SCN11A: variants seen among roughly 807,000 people sequenced by gnomAD.
SCN11A encodes the protein sodium channel protein type 11 subunit alpha.
In SCN11A, 122 loss-of-function variants were observed where a neutral mutation model predicts 162.2. That is an observed-to-expected ratio of 0.75 (90% CI 0.65 to 0.87). SCN11A has a LOEUF of 0.87. Among genes scored for constraint, SCN11A ranks in the 40% least tolerant of loss-of-function variants. SCN11A has a pLI of 0.00. For missense variants in SCN11A, 2,015 were observed against 2,181.6 expected (o/e 0.92, Z 1.52); for synonymous variants, 758 against 751.5 (o/e 1.01, Z -0.14).
intron 2 of SCN11A, among the ~76,000 whole-genome samples, chr3:38,977,330 G>T (rs531796172): frequency 1.3e-5 from 2 of 152,230 alleles, no homozygotes; most frequent in South Asian, 4.1e-4. Context: ...TCTGAGACCA[G>T]GGCTGCTCAG....
intron 17 of SCN11A, 24 bp from the exon 18 acceptor site, chr3:38,897,249 A>G: frequency 6.4e-7 from 1 of 1,562,260 alleles, no homozygotes; most frequent in Non-Finnish European, 8.6e-7. Flanking sequence ...CAACAAACAA[A>G]AATGGAAGAA....
chr3:38,981,709 A>C (rs1036719071), intron 2 of SCN11A, among the ~76,000 whole-genome samples: 4 of 152,140 alleles, frequency 2.6e-5, no homozygotes, highest in African/African-American at 9.7e-5. Context: ...TCCAGTTCAA[A>C]AAACATAAGG....
intron 9 of SCN11A, among the ~76,000 whole-genome samples, chr3:38,924,136 T>C (rs2066097878): frequency 1.3e-5 from 2 of 151,842 alleles, no homozygotes; most frequent in South Asian, 4.2e-4. Context: ...GCTTCTCCCA[T>C]CTCCCCTACA....
intron 4 of SCN11A, among the ~76,000 whole-genome samples, chr3:38,953,415 G>T (rs1415595057): frequency 1.3e-5 from 2 of 150,742 alleles, no homozygotes; most frequent in African/African-American, 2.4e-5. Flanking sequence ...TAAAATACAA[G>T]TTAAAAAAAA....
intron 19 of SCN11A, among the ~76,000 whole-genome samples, chr3:38,891,577 A>G (rs1410301877): frequency 6.6e-6 from 1 of 152,230 alleles, no homozygotes; most frequent in Non-Finnish European, 1.5e-5. Context: ...TAATTTATAA[A>G]GAACAGATAT....
chr3:38,931,923 C>G (rs1405656861), intron 7 of SCN11A, among the ~76,000 whole-genome samples: 1 of 152,162 alleles, frequency 6.6e-6, no homozygotes, highest in Non-Finnish European at 1.5e-5. Flanking sequence ...CTGAGTGGGT[C>G]TCTTTGAATT....
At chr3:38,995,601 C>T (rs1053641675) in intron 2 of SCN11A, among the ~76,000 whole-genome samples, 3 of 152,140 alleles carry the variant, frequency 2.0e-5, no homozygotes, top group South Asian at 4.1e-4. Flanking sequence ...TTCCTTCCCA[C>T]CTGCCTGTTT....
chr3:38,996,134 C>G (rs2125596276), intron 2 of SCN11A, among the ~76,000 whole-genome samples: 1 of 152,246 alleles, frequency 6.6e-6, no homozygotes, highest in Non-Finnish European at 1.5e-5. Context: ...CTTGGACTTC[C>G]CAGCCTCCAG....
At chr3:38,972,368 T>C (rs745717009) in intron 2 of SCN11A, among the ~76,000 whole-genome samples, 1 of 152,132 alleles carries the variant, frequency 6.6e-6, no homozygotes, top group Non-Finnish European at 1.5e-5. Flanking sequence ...CCTAGCAGGC[T>C]TGGGTCATTG....
At chr3:38,904,403 G>T (rs1244636120) in intron 15 of SCN11A, among the ~76,000 whole-genome samples, 3 of 152,120 alleles carry the variant, frequency 2.0e-5, no homozygotes, top group Non-Finnish European at 2.9e-5. Flanking sequence ...ACATTGGCTG[G>T]CTGTGAATCC....
intron 2 of SCN11A, among the ~76,000 whole-genome samples, chr3:39,000,169 A>G (rs2030765452): frequency 6.6e-6 from 1 of 152,158 alleles, no homozygotes; most frequent in South Asian, 2.1e-4. Context: ...TGTTAACATC[A>G]TAACCAACTC....
At chr3:38,887,748 T>C (rs1459651056) in intron 19 of SCN11A, among the ~76,000 whole-genome samples, 1 of 152,206 alleles carries the variant, frequency 6.6e-6, no homozygotes, top group Non-Finnish European at 1.5e-5. Context: ...TTGAATTCTT[T>C]TCATAAGCAG....
chr3:38,905,086 T>A, intron 15 of SCN11A, 106 bp downstream of exon 15: 2 of 1,481,224 alleles, frequency 1.4e-6, no homozygotes, highest in South Asian at 2.3e-5. Flanking sequence ...GTGGGTTGGT[T>A]CCAAAACAGC....
At chr3:38,858,996 T>G (rs150520953) in intron 28 of SCN11A, among the ~76,000 whole-genome samples, 15 of 152,052 alleles carry the variant, frequency 9.9e-5, no homozygotes, top group Non-Finnish European at 2.1e-4. Flanking sequence ...ACACAACTTA[T>G]GAAAACCACT....
At chr3:38,988,739 A>G (rs6806522) in intron 2 of SCN11A, among the ~76,000 whole-genome samples, 4,261 of 152,236 alleles carry the variant, frequency 0.028, 202 homozygotes, top group African/African-American at 0.097. Context: ...TATTTTTATT[A>G]CAACTCTGAT....
chr3:39,046,468 C>G (rs1003656776), intron 1 of SCN11A, among the ~76,000 whole-genome samples: 1 of 152,048 alleles, frequency 6.6e-6, no homozygotes, highest in Non-Finnish European at 1.5e-5. Flanking sequence ...TAAATGGAAT[C>G]CCTATCAAAA....
At chr3:39,022,248 T>C (rs1434583020) in intron 2 of SCN11A, among the ~76,000 whole-genome samples, 1 of 152,234 alleles carries the variant, frequency 6.6e-6, no homozygotes, top group Non-Finnish European at 1.5e-5. Flanking sequence ...CAATTGTGCA[T>C]GTGCATGTTT....
rs570223329 is a variant in SCN11A, at chr3:38,911,710, G to A, written c.960-1503C>T. On this transcript the variant is annotated intron_variant, in intron 11 of 29. Coordinates refer to ENST00000302328, the MANE Select transcript of SCN11A (RefSeq NM_001349253.2). Reference sequence around the variant, plus strand: ...TTTTTCCTACTTTCGGGGCTATTTCGTCAACTTTATCTTTTAGTTCTAATG... The same window carrying A: ...TTTTTCCTACTTTCGGGGCTATTTCATCAACTTTATCTTTTAGTTCTAATG... Among the ~76,000 whole-genome samples, 137 of 152,108 alleles carry A rather than the reference G, an allele frequency of 9.0e-4. 1 individual carries two copies. In the South Asian group the frequency reaches 0.02, roughly 22 times the overall value.
At chr3:38,990,019 C>G (rs1023215285) in intron 2 of SCN11A, among the ~76,000 whole-genome samples, 1 of 152,156 alleles carries the variant, frequency 6.6e-6, no homozygotes, top group Non-Finnish European at 1.5e-5. Context: ...CTTTTGATTA[C>G]AGGAGAATTC....
Sources: allele counts gnomAD v4.1 joint callset (sites outside exome capture counted in the v4.1 genomes callset), GRCh38; gene constraint gnomAD v4.1.1; transcripts MANE v1.5; gene names NCBI Gene and HGNC (gene_info 2026-07-23, HGNC 2026-07-21).